KSR2: variants seen among roughly 807,000 people sequenced by gnomAD.
KSR2 encodes kinase suppressor of ras 2.
Under a neutral mutation model 107.8 loss-of-function variants are expected in KSR2, and 25 were observed. The ratio of observed to expected loss-of-function variants is 0.23; its 90% CI spans 0.17 to 0.32. KSR2 has a LOEUF of 0.32. Ranked by LOEUF, KSR2 falls within the 10% of genes least tolerant of loss-of-function variation. KSR2 has a pLI of 1.00. For synonymous variants in KSR2, 480 were observed against 507.0 expected, an observed-to-expected ratio of 0.95 and a Z score of 0.71; for missense variants, 887 against 1,268.9, an observed-to-expected ratio of 0.70 and a Z score of 4.57.
In KSR2 at chr12:117,882,733, C is replaced by T. The variant is rs530696076; in HGVS notation, c.181-22302G>A. 5.9e-5 allele frequency among the ~76,000 whole-genome samples: 9 copies of T among 151,980 alleles called. No homozygotes were observed. In the East Asian group the frequency reaches 1.7e-3, roughly 29 times the overall value. Reference sequence around the variant, plus strand: ...TCCATCCATCCATCCAACCACCCACCCAACCACCCATCCATCCATCCATCC... The same window carrying T: ...TCCATCCATCCATCCAACCACCCACTCAACCACCCATCCATCCATCCATCC... On this transcript the variant is annotated intron_variant, in intron 1 of 19. Coordinates refer to ENST00000339824, the MANE Select transcript of KSR2 (RefSeq NM_173598.6).
intron 3 of KSR2, among the ~76,000 whole-genome samples, chr12:117,796,639 CA>C (rs1890639637): frequency 6.6e-6 from 1 of 152,282 alleles, no homozygotes; most frequent in African/African-American, 2.4e-5. Context: ...CCCCAAGGCT[CA>C]GTTTCCTCAG....
chr12:117,532,555 A>G (rs1875728677), intron 10 of KSR2, among the ~76,000 whole-genome samples: 1 of 152,240 alleles, frequency 6.6e-6, no homozygotes. Flanking sequence ...TGAGATCAAG[A>G]CATGGACATC....
At chr12:117,666,069 G>A (rs984593059) in intron 5 of KSR2, among the ~76,000 whole-genome samples, 5 of 152,158 alleles carry the variant, frequency 3.3e-5, no homozygotes, top group African/African-American at 9.7e-5. Context: ...CCTGGGAGTC[G>A]AGGGTACTAT....
intron 1 of KSR2, among the ~76,000 whole-genome samples, chr12:117,874,011 C>T (rs1413955534): frequency 6.6e-6 from 1 of 152,146 alleles, no homozygotes; most frequent in Non-Finnish European, 1.5e-5. Flanking sequence ...CATTTCATTT[C>T]CCTCGCAAAT....
chr12:117,909,157 G>A (rs1048470174), intron 1 of KSR2, among the ~76,000 whole-genome samples: 1 of 152,064 alleles, frequency 6.6e-6, no homozygotes, highest in African/African-American at 2.4e-5. Flanking sequence ...ACCCTCAACT[G>A]CTTCAACCCA....
At chr12:117,793,808 A>ACACT (rs781072507) in intron 3 of KSR2, among the ~76,000 whole-genome samples, 1 of 137,596 alleles carries the variant, frequency 7.3e-6, no homozygotes, top group Admixed American at 7.1e-5. Flanking sequence ...TGCAACATGC[A>ACACT]CACACCAACA....
intron 3 of KSR2, among the ~76,000 whole-genome samples, chr12:117,799,102 G>T (rs948623046): frequency 2.0e-5 from 3 of 152,180 alleles, no homozygotes; most frequent in Non-Finnish European, 4.4e-5. Flanking sequence ...TTCCTTAATG[G>T]GTACAGAGCT....
At chr12:117,559,068 A>ATGGG (rs1305649381) in intron 7 of KSR2, among the ~76,000 whole-genome samples, 11 of 151,432 alleles carry the variant, frequency 7.3e-5, no homozygotes, top group African/African-American at 2.7e-4. Context: ...GGATGGATGG[A>ATGGG]TGGATGGATG....
At chr12:117,769,522 G>A (rs1353216312) in intron 3 of KSR2, among the ~76,000 whole-genome samples, 1 of 152,132 alleles carries the variant, frequency 6.6e-6, no homozygotes, top group Admixed American at 6.5e-5. Context: ...CTGTGACTCC[G>A]TTTCTTCATC....
chr12:117,769,192 G>A (rs1373108606), intron 3 of KSR2, among the ~76,000 whole-genome samples: 1 of 151,964 alleles, frequency 6.6e-6, no homozygotes, highest in Admixed American at 6.6e-5. Context: ...TGAAAAGATT[G>A]AGCACAAAAT....
chr12:117,543,017 C>T (rs1291261999), intron 9 of KSR2, among the ~76,000 whole-genome samples: 1 of 152,166 alleles, frequency 6.6e-6, no homozygotes, highest in Non-Finnish European at 1.5e-5. Flanking sequence ...TTTGTTTAAA[C>T]ATTTACCCAC....
At chr12:117,796,028 A>G (rs2137004215) in intron 3 of KSR2, among the ~76,000 whole-genome samples, 1 of 152,312 alleles carries the variant, frequency 6.6e-6, no homozygotes, top group East Asian at 1.9e-4. Flanking sequence ...CTGGGCTCAA[A>G]TGATCCTCCA....
At chr12:117,493,150 C>T (rs1223367946) in intron 14 of KSR2, among the ~76,000 whole-genome samples, 1 of 152,138 alleles carries the variant, frequency 6.6e-6, no homozygotes, top group African/African-American at 2.4e-5. Context: ...TACTCCTTCA[C>T]CAGCTGCTCA....
At chr12:117,642,044 C>T (rs1310651949) in intron 5 of KSR2, among the ~76,000 whole-genome samples, 1 of 152,184 alleles carries the variant, frequency 6.6e-6, no homozygotes, top group African/African-American at 2.4e-5. Flanking sequence ...CTGGCTGGCC[C>T]TACTCAGCCT....
At chr12:117,861,049 T>C (rs542281366) in intron 1 of KSR2, among the ~76,000 whole-genome samples, 4 of 152,138 alleles carry the variant, frequency 2.6e-5, no homozygotes, top group African/African-American at 9.6e-5. Context: ...ACAATTCCAT[T>C]TGCAGGAACT....
intron 1 of KSR2, among the ~76,000 whole-genome samples, chr12:117,965,726 T>C (rs976587282): frequency 1.3e-5 from 2 of 152,364 alleles, no homozygotes; most frequent in Middle Eastern, 3.4e-3. Context: ...CAGAAATACC[T>C]GGACTGTTTA....
intron 7 of KSR2, among the ~76,000 whole-genome samples, chr12:117,568,031 T>C (rs1362132354): frequency 6.6e-6 from 1 of 152,124 alleles, no homozygotes; most frequent in East Asian, 1.9e-4. Context: ...ACAATACAAA[T>C]GAGCAAAGGG....
chr12:117,468,922 G>A (rs1171809761), intron 19 of KSR2, among the ~76,000 whole-genome samples: 2 of 152,188 alleles, frequency 1.3e-5, no homozygotes, highest in African/African-American at 4.8e-5. Flanking sequence ...ATGAGTGTGA[G>A]TACCTGAGAG....
intron 3 of KSR2, among the ~76,000 whole-genome samples, chr12:117,776,705 C>T (rs1889697588): frequency 1.3e-5 from 2 of 151,988 alleles, no homozygotes; most frequent in African/African-American, 4.8e-5. Flanking sequence ...ATACCCTGAA[C>T]ATCAGGATTC....
Sources: allele counts gnomAD v4.1 joint callset (sites outside exome capture counted in the v4.1 genomes callset), GRCh38; gene constraint gnomAD v4.1.1; transcripts MANE v1.5; gene names NCBI Gene and HGNC (gene_info 2026-07-23, HGNC 2026-07-21).